PTPRD: variants seen among roughly 807,000 people sequenced by gnomAD.
PTPRD encodes protein tyrosine phosphatase receptor type D.
In PTPRD, 34 loss-of-function variants were observed where a neutral mutation model predicts 214.5. The ratio of observed to expected loss-of-function variants is 0.16; its 90% CI spans 0.12 to 0.21. The LOEUF (loss-of-function observed/expected upper bound fraction) is 0.21, where lower values mean the gene tolerates loss of function less well. Ranked by LOEUF, PTPRD falls within the 10% of genes least tolerant of loss-of-function variation. The pLI, the probability that PTPRD is intolerant of heterozygous loss-of-function variation, is 1.00. For synonymous variants in PTPRD, 1,128 were observed against 845.7 expected (o/e 1.33, Z -5.79); for missense variants, 2,545 against 2,398.7 (o/e 1.06, Z -1.27).
intron 39 of PTPRD, among the ~76,000 whole-genome samples, chr9:8,345,229 A>C (rs565055042): frequency 6.6e-6 from 1 of 152,192 alleles, no homozygotes; most frequent in South Asian, 2.1e-4. Context: ...AGAAGCATTC[A>C]GTAAATGTTG....
intron 9 of PTPRD, among the ~76,000 whole-genome samples, chr9:9,257,635 TA>T (rs919315045): frequency 6.6e-6 from 1 of 151,316 alleles, no homozygotes; most frequent in Non-Finnish European, 1.5e-5. Context: ...CTACCAAAAA[TA>T]AAAAATAAAA....
At chr9:8,463,333 A>C (rs376276017) in intron 32 of PTPRD, among the ~76,000 whole-genome samples, 2,232 of 148,802 alleles carry the variant, frequency 0.015, 36 homozygotes, top group Non-Finnish European at 0.024. Flanking sequence ...AAAAAAAAAA[A>C]AGATGTGTAT....
chr9:10,366,643 T>C (rs1308892434), intron 2 of PTPRD, among the ~76,000 whole-genome samples: 1 of 152,204 alleles, frequency 6.6e-6, no homozygotes, highest in Non-Finnish European at 1.5e-5. Flanking sequence ...ATCATGGGAA[T>C]TCTAATTGTG....
At chr9:10,437,451 C>A (rs1214681687) in intron 2 of PTPRD, among the ~76,000 whole-genome samples, 1 of 151,708 alleles carries the variant, frequency 6.6e-6, no homozygotes, top group Non-Finnish European at 1.5e-5. Context: ...GATCATGTAG[C>A]ACAAAATTAG....
chr9:10,374,440 G>A (rs759613568), intron 2 of PTPRD, among the ~76,000 whole-genome samples: 3 of 151,968 alleles, frequency 2.0e-5, no homozygotes, highest in South Asian at 2.1e-4. Context: ...AAAGGCTAAT[G>A]CAAAAAGACA....
At chr9:9,058,771 G>T (rs965173467) in intron 10 of PTPRD, among the ~76,000 whole-genome samples, 3 of 151,978 alleles carry the variant, frequency 2.0e-5, no homozygotes, top group African/African-American at 7.2e-5. Flanking sequence ...TTAAGCAAAG[G>T]AAAAGAAAAT....
chr9:9,883,483 G>A (rs906937719), intron 5 of PTPRD, among the ~76,000 whole-genome samples: 2 of 152,044 alleles, frequency 1.3e-5, no homozygotes, highest in African/African-American at 4.8e-5. Context: ...TGGCAATCAG[G>A]GGATACTAAA....
intron 11 of PTPRD, among the ~76,000 whole-genome samples, chr9:9,007,486 T>A (rs1026959790): frequency 1.3e-5 from 2 of 151,810 alleles, no homozygotes. Context: ...TTTTTTTATG[T>A]GCTTGACCCT....
At chr9:10,112,730 T>A (rs188415777) in intron 3 of PTPRD, among the ~76,000 whole-genome samples, 1 of 152,352 alleles carries the variant, frequency 6.6e-6, no homozygotes, top group Admixed American at 6.5e-5. Context: ...TTCAATTTTC[T>A]AACGAGCCAG....
intron 8 of PTPRD, among the ~76,000 whole-genome samples, chr9:9,536,934 G>A (rs1021851074): frequency 1.3e-5 from 2 of 151,868 alleles, no homozygotes; most frequent in African/African-American, 2.4e-5. Flanking sequence ...GTAGTGTAGA[G>A]TATAGATGGT....
intron 12 of PTPRD, among the ~76,000 whole-genome samples, chr9:8,732,800 G>A (rs908635527): frequency 2.0e-5 from 3 of 152,110 alleles, no homozygotes; most frequent in African/African-American, 7.2e-5. Flanking sequence ...GCAATTAATA[G>A]AAAGGGGCCA....
At chr9:8,776,234 T>G (rs901997340) in intron 11 of PTPRD, among the ~76,000 whole-genome samples, 1 of 152,182 alleles carries the variant, frequency 6.6e-6, no homozygotes, top group African/African-American at 2.4e-5. Context: ...ACAACTATAC[T>G]AAGGCTCAGT....
At chr9:9,806,105 T>C (rs2099071290) in intron 5 of PTPRD, among the ~76,000 whole-genome samples, 1 of 152,120 alleles carries the variant, frequency 6.6e-6, no homozygotes, top group Non-Finnish European at 1.5e-5. Context: ...ATAAGAATTA[T>C]AAGATGCACG....
In PTPRD at chr9:9,861,359, C is replaced by T. The variant is rs571505766; in HGVS notation, c.-368+77148G>A. Among the ~76,000 whole-genome samples the T allele has an allele frequency of 1.1e-4, 16 of 152,220 alleles. No homozygotes were observed. In the East Asian group the frequency reaches 2.1e-3, roughly 20 times the overall value. ...AGGCTGGAGTGCATTGGCGCCATCT[C>T]GGCTCACTGCAACCTCCGCCTCCCA... On this transcript the variant is annotated intron_variant, in intron 5 of 45. Coordinates refer to ENST00000381196, the MANE Select transcript of PTPRD (RefSeq NM_002839.4).
intron 14 of PTPRD, among the ~76,000 whole-genome samples, chr9:8,591,318 G>C (rs745893476): frequency 2.6e-5 from 4 of 152,126 alleles, no homozygotes; most frequent in Non-Finnish European, 5.9e-5. Context: ...CCATTATTTG[G>C]TCTACCCACA....
intron 4 of PTPRD, among the ~76,000 whole-genome samples, chr9:9,996,540 T>A (rs774192726): frequency 6.6e-6 from 1 of 152,204 alleles, no homozygotes; most frequent in Non-Finnish European, 1.5e-5. Context: ...GTCCCTAATC[T>A]CTTACTTCTA....
intron 8 of PTPRD, among the ~76,000 whole-genome samples, chr9:9,471,699 A>C (rs893978235): frequency 2.0e-5 from 3 of 152,140 alleles, no homozygotes; most frequent in Non-Finnish European, 4.4e-5. Flanking sequence ...ACTTATTTTG[A>C]ACAATTCAAT....
rs183001972 is a variant in PTPRD at position 10,256,311 on chromosome 9, G to A, written c.-545+84652C>T. 2.0e-4 allele frequency among the ~76,000 whole-genome samples: 30 copies of A among 151,574 alleles called. No individual in the cohort carries two copies. In the East Asian group the frequency reaches 4.7e-3, roughly 24 times the overall value. On this transcript the variant is annotated intron_variant, in intron 3 of 45. Transcript: ENST00000381196. Reference sequence around the variant, plus strand: ...ATCTTGTCCCACTGGAAGGTCTTCGGGGGTAATAACACACATGCAGCTGTC... The same window carrying A: ...ATCTTGTCCCACTGGAAGGTCTTCGAGGGTAATAACACACATGCAGCTGTC...
At chr9:8,500,648 G>C (rs1429246684) in intron 24 of PTPRD, 106 bp downstream of exon 24, 8 of 1,085,144 alleles carry the variant, frequency 7.4e-6, no homozygotes, top group Non-Finnish European at 1.0e-5. Context: ...CAGCAATGCT[G>C]GGTAAAAAGA....
Sources: allele counts gnomAD v4.1 joint callset (sites outside exome capture counted in the v4.1 genomes callset), GRCh38; gene constraint gnomAD v4.1.1; transcripts MANE v1.5; gene names NCBI Gene and HGNC (gene_info 2026-07-23, HGNC 2026-07-21).